The following CIT variants were observed in gnomAD, a reference collection of about 807,000 sequenced individuals.
The protein encoded by CIT is citron rho-interacting serine/threonine kinase, also known as citron Rho-interacting kinase.
In CIT, 79 loss-of-function variants were observed where a neutral mutation model predicts 272.7. That is an observed-to-expected ratio of 0.29 (90% CI 0.24 to 0.35). The LOEUF is 0.35. Ranked by LOEUF, CIT falls within the 10% of genes least tolerant of loss-of-function variation. CIT has a pLI of 1.00. For missense variants in CIT, 1,909 were observed against 2,618.3 expected, an observed-to-expected ratio of 0.73 and a Z score of 5.91; for synonymous variants, 948 against 995.6, an observed-to-expected ratio of 0.95 and a Z score of 0.90.
In CIT at chr12:119,869,068, AC is replaced by A. The variant is rs758089129; in HGVS notation, c.229del (p.Val77SerfsTer8). 3 of 1,610,432 alleles carry A rather than the reference AC, an allele frequency of 1.9e-6. No homozygotes were observed. The highest frequency in any genetic ancestry group is 2.5e-6 in the Non-Finnish European group (3 of 1,179,358). ...AAGTTCCCCAAACTTACACTTCCGG[AC>A]AAAGTTGCTCACGTGCTTAATCTTC... Reference protein sequence around the residue: ...LMKIKHVSNFVRKYSDTIAEL... With the variant: ...LMKIKHVSNFXRKYSDTIAEL... On this transcript the variant is annotated frameshift_variant, in exon 3 of 48. Coordinates refer to ENST00000392521, the MANE Select transcript of CIT (RefSeq NM_001206999.2). LOFTEE classifies it high-confidence loss of function.
At chr12:119,867,181 G>T (rs1594006593) in intron 3 of CIT, among the ~76,000 whole-genome samples, 2 of 151,840 alleles carry the variant, frequency 1.3e-5, no homozygotes, top group East Asian at 3.9e-4. Context: ...CACACAAGAG[G>T]TAATACAATA....
intron 3 of CIT, among the ~76,000 whole-genome samples, chr12:119,868,587 G>A (rs1367133934): frequency 6.6e-6 from 1 of 152,198 alleles, no homozygotes; most frequent in East Asian, 1.9e-4. Flanking sequence ...CACCCAGACT[G>A]GAGTGCAATG....
chr12:119,731,474 TCA>T (rs1958435326), intron 26 of CIT, among the ~76,000 whole-genome samples: 1 of 63,672 alleles, frequency 1.6e-5, no homozygotes. Context: ...GACTCCATTC[TCA>T]AAAAAAAAAA....
At position 119,825,229 on chromosome 12, in the gene CIT, T is replaced by C; in HGVS notation, c.893A>G (p.Tyr298Cys). ...TCCCTCTGCGAAGGGGGATCTCCCATAAATCATCTCATAGGCAATCACGCC... is the reference window on the plus strand; with the variant it reads ...TCCCTCTGCGAAGGGGGATCTCCCACAAATCATCTCATAGGCAATCACGCC... ...SVGVIAYEMI[Y>C]GRSPFAEGTS... Residue 298 changes from tyrosine to cysteine, a missense_variant, in exon 8 of 48, where the codon TAT (tyrosine) becomes TGT (cysteine). This residue lies in a region of CIT where 529 missense variants were observed against 549.6 expected (regional missense o/e 0.96). Transcript: ENST00000392521. 1 of 1,614,150 alleles carries C rather than the reference T, an allele frequency of 6.2e-7. No individual in the cohort carries two copies. The highest frequency in any genetic ancestry group is 8.5e-7 in the Non-Finnish European group (1 of 1,180,036).
intron 5 of CIT, among the ~76,000 whole-genome samples, chr12:119,841,079 T>C (rs1029619006): frequency 1.3e-5 from 2 of 152,102 alleles, no homozygotes; most frequent in African/African-American, 2.4e-5. Context: ...TCCAGAAGTA[T>C]AATGCCTTGA....
intron 24 of CIT, 30 bp from the exon 25 acceptor site, chr12:119,735,387 C>G: frequency 6.2e-6 from 10 of 1,601,758 alleles, no homozygotes; most frequent in Non-Finnish European, 8.6e-6. Context: ...CAGTTACACG[C>G]CAAGCACATT....
rs754673000 is a variant in CIT, at chr12:119,843,838, G to A, written c.516+6336C>T. ...AATAAATAATGTTCAACTGCCAAGG[G>A]AGCGTGATATGTAAGTTTCCCCAAA... On this transcript the variant is annotated intron_variant, in intron 5 of 47. Transcript: ENST00000392521. Among the ~76,000 whole-genome samples, 4 of 152,090 alleles carry A rather than the reference G, an allele frequency of 2.6e-5. No individual in the cohort carries two copies. The South Asian group carries it at 6.2e-4, about 24-fold the overall frequency.
chr12:119,765,901 G>C (rs2137542082), intron 19 of CIT, among the ~76,000 whole-genome samples: 1 of 152,280 alleles, frequency 6.6e-6, no homozygotes. Flanking sequence ...GGAAAGGAAA[G>C]AAAAGGAAAT....
chr12:119,704,048 T>A (rs1738401467), intron 41 of CIT, among the ~76,000 whole-genome samples: 1 of 152,184 alleles, frequency 6.6e-6, no homozygotes, highest in Non-Finnish European at 1.5e-5. Flanking sequence ...CCCCCCCTTT[T>A]TTTTTTCCAC....
Position 119,708,245 on chromosome 12 carries a change from G to A in CIT, c.5145C>T (p.Ala1715=). 1 of 1,608,044 alleles carries A rather than the reference G, an allele frequency of 6.2e-7. No homozygotes were observed. The highest frequency in any genetic ancestry group is 8.5e-7 in the Non-Finnish European group (1 of 1,177,570). Residue 1715 remains alanine, a synonymous_variant, in exon 40 of 48, where the codon GCC becomes GCT. Coordinates refer to ENST00000392521, the MANE Select transcript of CIT (RefSeq NM_001206999.2). ...AAATGTTGGGTGAGATGTCGGGCTGGGCAGGCAGGTGGGACTGGGCCAGGG... is the reference window on the plus strand; with the variant it reads ...AAATGTTGGGTGAGATGTCGGGCTGAGCAGGCAGGTGGGACTGGGCCAGGG... ...KQSLAQSHLP[A]QPDISPNIFE...
rs151251512 is a variant in CIT, at chr12:119,721,396, C to T, written c.3645G>A (p.Leu1215=). ...MDLQKNHIFR[L]TQGLQEALDR... Reference sequence around the variant, plus strand: ...CTAGAGCTTCTTGCAGTCCTTGAGTCAGACGGAAAATGTGATTTTTCTGCA... The same window carrying T: ...CTAGAGCTTCTTGCAGTCCTTGAGTTAGACGGAAAATGTGATTTTTCTGCA... Residue 1215 remains leucine (L), a synonymous_variant, in exon 29 of 48, where the codon CTG becomes CTA. Transcript: ENST00000392521. 2.0e-5 allele frequency: 32 copies of T among 1,611,720 alleles called. No individual in the cohort carries two copies. The African/African-American group carries it at 3.6e-4, about 18-fold the overall frequency.
chr12:119,700,944 ACTGT>A (rs1956526908), intron 43 of CIT, 119 bp from the exon 44 acceptor site: 1 of 699,156 alleles, frequency 1.4e-6, no homozygotes, highest in Non-Finnish European at 2.5e-6. Context: ...GATGGGACTG[ACTGT>A]GAAAACCAGA....
intron 3 of CIT, 50 bp from the exon 4 acceptor site, chr12:119,857,748 A>G: frequency 1.3e-6 from 2 of 1,482,456 alleles, no homozygotes; most frequent in Non-Finnish European, 1.8e-6. Context: ...ATGCAAATAT[A>G]TGCATCTTTA....
chr12:119,777,854 G>A (rs936184803), intron 13 of CIT, among the ~76,000 whole-genome samples: 9 of 152,040 alleles, frequency 5.9e-5, no homozygotes, highest in South Asian at 2.1e-4. Context: ...GTAGTTTTCC[G>A]CCAAGGGTAA....
At chr12:119,843,935 A>C (rs1566116413) in intron 5 of CIT, among the ~76,000 whole-genome samples, 1 of 152,206 alleles carries the variant, frequency 6.6e-6, no homozygotes, top group Non-Finnish European at 1.5e-5. Context: ...GTACCGATAT[A>C]AATCTAGGAT....
At chr12:119,699,857 A>G (rs1374245898) in intron 44 of CIT, 5 of 455,970 alleles carry the variant, frequency 1.1e-5, no homozygotes. Flanking sequence ...ATAGCCTCGA[A>G]GGGTATCTGG....
chr12:119,861,802 T>A (rs1254786179), intron 3 of CIT, among the ~76,000 whole-genome samples: 1 of 152,144 alleles, frequency 6.6e-6, no homozygotes, highest in Non-Finnish European at 1.5e-5. Context: ...AAGATGTGAA[T>A]GATGAAAACT....
rs533206677 is a variant in CIT at position 119,751,948 on chromosome 12, C to T, written c.2904+102G>A. The stretch of plus-strand genomic sequence containing the variant: ...AATATCTTTGTGGATCATGTTTTCC[C>T]TCCTGGAATTTCTAAGGGTGAGCCA... On this transcript the variant is annotated intron_variant, in intron 23 of 47. Coordinates refer to ENST00000392521, the MANE Select transcript of CIT (RefSeq NM_001206999.2). 7.6e-6 allele frequency: 8 copies of T among 1,052,670 alleles called. No individual in the cohort carries two copies. In the African/African-American group the frequency reaches 1.3e-4, roughly 17 times the overall value. The allele number at this position is 1,052,670 out of a possible 1,614,324, so 65.2% of individuals were successfully genotyped here.
intron 23 of CIT, among the ~76,000 whole-genome samples, chr12:119,748,102 C>T (rs1959709440): frequency 1.3e-5 from 2 of 151,976 alleles, no homozygotes; most frequent in African/African-American, 4.8e-5. Flanking sequence ...GGAGTCAAGG[C>T]TGCAGTGTGC....
Sources: gnomAD v4.1 joint callset for allele counts (sites outside exome capture counted in the v4.1 genomes callset) on GRCh38, gnomAD v4.1.1 for gene constraint, gnomAD v4.1.1 regional missense constraint, MANE v1.5 for transcripts, NCBI Gene and HGNC (gene_info 2026-07-23, HGNC 2026-07-21) for gene names.